Variants in SLC25A21 observed in about 807,000 individuals in gnomAD.
SLC25A21 encodes the protein solute carrier family 25 member 21.
A neutral mutation model predicts 43.8 loss-of-function variants in SLC25A21; 47 were observed. The ratio of observed to expected loss-of-function variants is 1.07; its 90% confidence interval spans 0.85 to 1.37. SLC25A21 has a LOEUF of 1.37. Among genes scored for constraint, SLC25A21 ranks in the 40% most tolerant of loss-of-function variants. The probability of loss-of-function intolerance (pLI) is 0.00; values close to 1 mark genes in which losing one functional copy is unlikely to be tolerated. For missense variants in SLC25A21, 352 were observed against 350.2 expected, an observed-to-expected ratio of 1.00 and a Z score of -0.04; for synonymous variants, 131 against 121.3, an observed-to-expected ratio of 1.08 and a Z score of -0.52.
intron 1 of SLC25A21, among the ~76,000 whole-genome samples, chr14:37,095,837 CACACACA>C (rs1238549296): frequency 1.6e-5 from 1 of 64,078 alleles, no homozygotes; most frequent in Non-Finnish European, 5.0e-5. Context: ...CACACACACA[CACACACA>C]AAAAACACCT....
intron 1 of SLC25A21, among the ~76,000 whole-genome samples, chr14:37,088,473 T>C (rs1443563148): frequency 6.6e-6 from 1 of 152,250 alleles, no homozygotes; most frequent in Non-Finnish European, 1.5e-5. Flanking sequence ...TTCTGGTGCA[T>C]ATTTTTCTGT....
intron 3 of SLC25A21, among the ~76,000 whole-genome samples, chr14:36,772,182 G>A (rs970654115): frequency 6.6e-6 from 1 of 152,230 alleles, no homozygotes; most frequent in African/African-American, 2.4e-5. Context: ...GAAGTGAAAA[G>A]GGAGAGCTCT....
At chr14:37,037,599 A>T (rs1961355791) in intron 1 of SLC25A21, among the ~76,000 whole-genome samples, 1 of 151,576 alleles carries the variant, frequency 6.6e-6, no homozygotes, top group African/African-American at 2.4e-5. Context: ...AATTTTTTTC[A>T]CCAAACTTCA....
intron 1 of SLC25A21, among the ~76,000 whole-genome samples, chr14:37,169,946 AG>A (rs1326009410): frequency 6.6e-6 from 1 of 152,178 alleles, no homozygotes; most frequent in African/African-American, 2.4e-5. Context: ...CATTTATATT[AG>A]TTACATTTAT....
intron 2 of SLC25A21, among the ~76,000 whole-genome samples, chr14:36,842,827 C>T (rs1427254090): frequency 6.6e-6 from 1 of 152,056 alleles, no homozygotes; most frequent in Non-Finnish European, 1.5e-5. Context: ...ACTGGGGAGG[C>T]AGGAGGATGT....
At chr14:36,680,842 A>G in intron 9 of SLC25A21, 123 bp from the exon 10 acceptor site, 1 of 680,120 alleles carries the variant, frequency 1.5e-6, no homozygotes, top group Non-Finnish European at 2.3e-6. Flanking sequence ...CGGAATCAAC[A>G]GTTCTGGAGC....
At chr14:37,168,126 C>G (rs1443090934) in intron 1 of SLC25A21, among the ~76,000 whole-genome samples, 2 of 152,098 alleles carry the variant, frequency 1.3e-5, no homozygotes, top group Non-Finnish European at 2.9e-5. Context: ...ATACTCCTTC[C>G]TGCAGCTCAT....
chr14:36,987,787 T>C lies in SLC25A21; in HGVS notation c.71-112783A>G, dbSNP rs74682257. ...CACCAATGATTATTTCCTTAGGATT[T>C]ACTAGGTCAAAGGATCCACTGACAA... On this transcript the variant is annotated intron_variant, in intron 1 of 9. Transcript: ENST00000331299. Among the ~76,000 whole-genome samples, 752 of 152,294 alleles carry C rather than the reference T, an allele frequency of 4.9e-3. 9 individuals carry two copies. The highest frequency in any genetic ancestry group is 0.017 in the African/African-American group (723 of 41,562).
At chr14:37,134,930 T>G (rs1278336005) in intron 1 of SLC25A21, among the ~76,000 whole-genome samples, 9 of 72,452 alleles carry the variant, frequency 1.2e-4, no homozygotes, top group Non-Finnish European at 2.5e-4. Context: ...TCATCTCTAC[T>G]TTTTTTTTTT....
At chr14:36,733,713 T>C (rs1043197176) in intron 4 of SLC25A21, among the ~76,000 whole-genome samples, 2 of 152,146 alleles carry the variant, frequency 1.3e-5, no homozygotes, top group African/African-American at 4.8e-5. Flanking sequence ...TAAGTTTAGG[T>C]TATCATTATT....
chr14:37,049,842 C>T (rs1005782928), intron 1 of SLC25A21, among the ~76,000 whole-genome samples: 1 of 152,218 alleles, frequency 6.6e-6, no homozygotes, highest in African/African-American at 2.4e-5. Flanking sequence ...TTGTTTTACA[C>T]AAAGTATTCA....
intron 1 of SLC25A21, among the ~76,000 whole-genome samples, chr14:36,903,789 T>C (rs1891461563): frequency 6.6e-6 from 1 of 152,124 alleles, no homozygotes; most frequent in Non-Finnish European, 1.5e-5. Context: ...TTTAGGAACA[T>C]GTGCTCCTCA....
intron 3 of SLC25A21, among the ~76,000 whole-genome samples, chr14:36,784,429 A>T (rs1430155651): frequency 6.6e-6 from 1 of 152,022 alleles, no homozygotes; most frequent in African/African-American, 2.4e-5. Context: ...CACTGATTCA[A>T]TTTGGTAGTG....
intron 6 of SLC25A21, among the ~76,000 whole-genome samples, chr14:36,723,667 A>T (rs1884467244): frequency 6.6e-6 from 1 of 152,250 alleles, no homozygotes; most frequent in South Asian, 2.1e-4. Context: ...GCATTCTTGC[A>T]AGTCATTAGC....
chr14:37,057,914 C>G (rs1211425251), intron 1 of SLC25A21, among the ~76,000 whole-genome samples: 1 of 152,122 alleles, frequency 6.6e-6, no homozygotes, highest in East Asian at 1.9e-4. Context: ...GACCTTCAGC[C>G]CCTACCTCAC....
intron 1 of SLC25A21, among the ~76,000 whole-genome samples, chr14:37,114,768 G>C (rs553650213): frequency 6.6e-6 from 1 of 151,158 alleles, no homozygotes; most frequent in South Asian, 2.1e-4. Context: ...AACCAGTGGT[G>C]CAGAGAGTCA....
chr14:37,170,396 T>C (rs1208917343), intron 1 of SLC25A21, among the ~76,000 whole-genome samples: 2 of 152,126 alleles, frequency 1.3e-5, no homozygotes, highest in African/African-American at 2.4e-5. Context: ...TATGATCATA[T>C]AAATTAGCAT....
chr14:36,825,796 C>G (rs1888809218), intron 2 of SLC25A21, among the ~76,000 whole-genome samples: 2 of 152,072 alleles, frequency 1.3e-5, no homozygotes. Flanking sequence ...AAATGGGACC[C>G]AAGTTAGAAA....
At chr14:36,832,836 C>G (rs1191473369) in intron 2 of SLC25A21, among the ~76,000 whole-genome samples, 1 of 152,144 alleles carries the variant, frequency 6.6e-6, no homozygotes, top group African/African-American at 2.4e-5. Context: ...ATGACCCAAA[C>G]AAATCTCAGA....
Sources: allele counts gnomAD v4.1 joint callset (sites outside exome capture counted in the v4.1 genomes callset), GRCh38; gene constraint gnomAD v4.1.1; transcripts MANE v1.5; gene names NCBI Gene and HGNC (gene_info 2026-07-23, HGNC 2026-07-21).